Variants in PREP observed in about 807,000 individuals in gnomAD.
PREP encodes prolyl endopeptidase, also known as dJ355L5.1 (prolyl endopeptidase).
Under a neutral mutation model 87.6 loss-of-function variants are expected in PREP, and 29 were observed. The ratio of observed to expected loss-of-function variants is 0.33; its 90% CI spans 0.25 to 0.45. The LOEUF (loss-of-function observed/expected upper bound fraction) is 0.45, where lower values mean the gene tolerates loss of function less well. PREP is among the 20% of genes least tolerant of loss of function. The pLI is 1.00. For synonymous variants in PREP, 337 were observed against 328.6 expected (o/e 1.03, Z -0.28); for missense variants, 695 against 886.5 (o/e 0.78, Z 2.74).
intron 7 of PREP, among the ~76,000 whole-genome samples, chr6:105,339,208 C>T (rs996961676): frequency 6.6e-6 from 1 of 152,192 alleles, no homozygotes; most frequent in Non-Finnish European, 1.5e-5. Context: ...GATCAGGCAG[C>T]AACATTCGCC....
intron 6 of PREP, among the ~76,000 whole-genome samples, chr6:105,368,614 A>G (rs1463923300): frequency 6.6e-6 from 1 of 152,194 alleles, no homozygotes; most frequent in Non-Finnish European, 1.5e-5. Flanking sequence ...GAGTTTTGAA[A>G]GGTTCATGTT....
At chr6:105,347,336 C>T (rs1445066402) in intron 7 of PREP, among the ~76,000 whole-genome samples, 2 of 152,088 alleles carry the variant, frequency 1.3e-5, no homozygotes, top group Admixed American at 6.5e-5. Flanking sequence ...TACAAGTGCC[C>T]AACACAGTGC....
intron 1 of PREP, 125 bp from the exon 2 acceptor site, chr6:105,398,052 G>A (rs1398053911): frequency 6.9e-6 from 5 of 726,590 alleles, no homozygotes; most frequent in East Asian, 5.5e-5. Context: ...CACTGGCAAC[G>A]TGTCTGCCCA....
chr6:105,365,581 T>A (rs111758628), intron 6 of PREP, among the ~76,000 whole-genome samples: 2,022 of 152,272 alleles, frequency 0.013, 46 homozygotes, highest in African/African-American at 0.045. Context: ...CTCCTCCATG[T>A]AGCAAGATGG....
At chr6:105,391,337 G>A (rs1034530400) in intron 2 of PREP, among the ~76,000 whole-genome samples, 3 of 152,084 alleles carry the variant, frequency 2.0e-5, no homozygotes, top group African/African-American at 7.2e-5. Flanking sequence ...AGCTGAGATC[G>A]TGCCACTGCA....
chr6:105,347,531 G>T (rs6905641), intron 7 of PREP, among the ~76,000 whole-genome samples: 5 of 152,036 alleles, frequency 3.3e-5, no homozygotes, highest in Non-Finnish European at 7.4e-5. Flanking sequence ...ATTTAGAAAT[G>T]TATCCCTGAG....
At chr6:105,293,213 C>G (rs547955783) in intron 10 of PREP, among the ~76,000 whole-genome samples, 1 of 152,202 alleles carries the variant, frequency 6.6e-6, no homozygotes, top group African/African-American at 2.4e-5. Flanking sequence ...TTAACCCTTT[C>G]TGGCTTTGAC....
chr6:105,397,060 C>T (rs1425375644), intron 2 of PREP, among the ~76,000 whole-genome samples: 1 of 151,960 alleles, frequency 6.6e-6, no homozygotes, highest in Non-Finnish European at 1.5e-5. Context: ...TGGCACATGC[C>T]TGTAATCCCA....
intron 9 of PREP, among the ~76,000 whole-genome samples, chr6:105,324,916 G>A (rs1354811024): frequency 6.6e-6 from 1 of 152,156 alleles, no homozygotes; most frequent in African/African-American, 2.4e-5. Context: ...CCATAACAGG[G>A]TATACGATTA....
intron 2 of PREP, among the ~76,000 whole-genome samples, chr6:105,383,853 C>A (rs961853429): frequency 3.3e-5 from 5 of 152,078 alleles, no homozygotes; most frequent in African/African-American, 1.2e-4. Flanking sequence ...ACTTTCCTGA[C>A]CAAAAACCTG....
intron 6 of PREP, among the ~76,000 whole-genome samples, chr6:105,368,442 A>C (rs192005398): frequency 4.9e-4 from 75 of 152,322 alleles, no homozygotes; most frequent in African/African-American, 1.7e-3. Flanking sequence ...AATGTATAAA[A>C]GACACTCATT....
chr6:105,369,348 G>A (rs1366522973), intron 5 of PREP, among the ~76,000 whole-genome samples: 1 of 152,202 alleles, frequency 6.6e-6, no homozygotes, highest in East Asian at 1.9e-4. Flanking sequence ...CCATGTTCAT[G>A]GATAGGAAGA....
At chr6:105,361,848 A>G (rs1772254883) in intron 6 of PREP, among the ~76,000 whole-genome samples, 2 of 152,208 alleles carry the variant, frequency 1.3e-5, no homozygotes, top group South Asian at 4.1e-4. Flanking sequence ...ATGGATTTGT[A>G]ATAAAAATAA....
rs544161896 is a variant in PREP, at chr6:105,276,564, G to C, written c.*1580C>G. On this transcript the variant is annotated 3_prime_UTR_variant, in exon 15 of 15. Transcript: ENST00000652536. ...TCAGCAGTTACACCAAAGCTAGCTAGTATCAGTATCTGAGTAGATGGTGAT... is the reference window on the plus strand; with the variant it reads ...TCAGCAGTTACACCAAAGCTAGCTACTATCAGTATCTGAGTAGATGGTGAT... Among the ~76,000 whole-genome samples, 7 of 152,220 alleles carry C rather than the reference G, an allele frequency of 4.6e-5. No homozygotes were observed. Among genetic ancestry groups the C allele is most frequent in the Non-Finnish European group, 1.0e-4 (7 of 68,036 alleles).
chr6:105,365,413 T>G (rs1242786435), intron 6 of PREP, among the ~76,000 whole-genome samples: 1 of 152,196 alleles, frequency 6.6e-6, no homozygotes, highest in Non-Finnish European at 1.5e-5. Flanking sequence ...ATCACACTTC[T>G]TGAAGGGCAC....
rs374149063 is a variant in PREP, at chr6:105,374,399, C to T, written c.386-821G>A. Among the ~76,000 whole-genome samples the T allele has an allele frequency of 1.1e-3, 168 of 151,970 alleles. 2 individuals carry two copies. The South Asian group carries it at 0.017, about 15-fold the overall frequency. On this transcript the variant is annotated intron_variant, in intron 4 of 14. Coordinates refer to ENST00000652536, the MANE Select transcript of PREP (RefSeq NM_002726.5). The stretch of plus-strand genomic sequence containing the variant: ...ATTTCCTCTTAGGCTGTTTGCTAAA[C>T]GTTATTGGGTAATGAAAATTTTAAG...
At chr6:105,285,325 G>C (rs1770169336) in intron 12 of PREP, among the ~76,000 whole-genome samples, 161 bp downstream of exon 12, 2 of 152,176 alleles carry the variant, frequency 1.3e-5, no homozygotes, top group African/African-American at 4.8e-5. Context: ...TGTTTTTAAG[G>C]GGGGAGTGGT....
intron 5 of PREP, among the ~76,000 whole-genome samples, chr6:105,371,372 C>A (rs897365392): frequency 6.6e-6 from 1 of 151,452 alleles, no homozygotes; most frequent in Non-Finnish European, 1.5e-5. Flanking sequence ...CTAGGCATGG[C>A]GCTAACTAGT....
chr6:105,275,630 CT>C lies in PREP; in HGVS notation c.*2513del, dbSNP rs1769916664. Among the ~76,000 whole-genome samples the C allele has an allele frequency of 6.6e-6, 1 of 152,194 alleles. No individual in the cohort carries two copies. Among genetic ancestry groups the C allele is most frequent in the African/African-American group, 2.4e-5 (1 of 41,440 alleles). On this transcript the variant is annotated 3_prime_UTR_variant, in exon 15 of 15. Coordinates refer to ENST00000652536, the MANE Select transcript of PREP (RefSeq NM_002726.5). ...TCAGTATATCAAAAAGATATCTGCA[CT>C]CCTGTGTCTACTGCAGCACTATCCA...
Sources: gnomAD v4.1 joint callset for allele counts (sites outside exome capture counted in the v4.1 genomes callset) on GRCh38, gnomAD v4.1.1 for gene constraint, MANE v1.5 for transcripts, NCBI Gene and HGNC (gene_info 2026-07-23, HGNC 2026-07-21) for gene names.